Variants in WWOX observed in about 807,000 individuals in gnomAD.
WWOX encodes WW domain-containing oxidoreductase.
Under a neutral mutation model 46.2 loss-of-function variants are expected in WWOX, and 69 were observed. That is an observed-to-expected ratio of 1.49 (90% CI 1.23 to 1.82). The LOEUF (loss-of-function observed/expected upper bound fraction) is 1.82. Ranked by LOEUF, WWOX falls within the 40% of genes most tolerant of loss-of-function variation. The probability of loss-of-function intolerance (pLI) is 0.00; values close to 1 mark genes in which losing one functional copy is unlikely to be tolerated. For synonymous variants in WWOX, 359 were observed against 202.6 expected (o/e 1.77, Z -6.56); for missense variants, 919 against 542.6 (o/e 1.69, Z -6.89).
At chr16:79,058,226 A>G (rs1794598743) in intron 8 of WWOX, among the ~76,000 whole-genome samples, 1 of 151,990 alleles carries the variant, frequency 6.6e-6, no homozygotes, top group African/African-American at 2.4e-5. Flanking sequence ...CCCTCCTTCC[A>G]AGATGTGTGA....
At chr16:78,906,737 A>T (rs1443269594) in intron 8 of WWOX, among the ~76,000 whole-genome samples, 1 of 152,186 alleles carries the variant, frequency 6.6e-6, no homozygotes, top group East Asian at 1.9e-4. Flanking sequence ...TTAAGCTCTG[A>T]AAGTTCCTTT....
intron 8 of WWOX, among the ~76,000 whole-genome samples, chr16:79,054,429 C>G (rs1432686724): frequency 6.6e-6 from 1 of 152,176 alleles, no homozygotes; most frequent in Non-Finnish European, 1.5e-5. Context: ...ATTTCCATTT[C>G]AAGATGACAA....
intron 8 of WWOX, among the ~76,000 whole-genome samples, chr16:79,173,151 G>A (rs960929710): frequency 3.9e-5 from 6 of 152,264 alleles, no homozygotes; most frequent in African/African-American, 1.4e-4. Context: ...GTGTGCCCAT[G>A]TCTCTGGGCC....
chr16:78,905,824 G>C (rs2044948713), intron 8 of WWOX, among the ~76,000 whole-genome samples: 1 of 152,106 alleles, frequency 6.6e-6, no homozygotes, highest in South Asian at 2.1e-4. Context: ...GGGGAATCTG[G>C]ATTTCAAATG....
chr16:79,027,001 C>G (rs1048633786), intron 8 of WWOX, among the ~76,000 whole-genome samples: 2 of 151,256 alleles, frequency 1.3e-5, no homozygotes, highest in Admixed American at 1.3e-4. Flanking sequence ...CAGTGGAGTC[C>G]AGGTACAGTG....
chr16:79,094,075 C>T (rs2045352777), intron 8 of WWOX, among the ~76,000 whole-genome samples: 1 of 152,068 alleles, frequency 6.6e-6, no homozygotes, highest in African/African-American at 2.4e-5. Flanking sequence ...ATAAAGTGCC[C>T]ACCTAGCACT....
chr16:78,637,088 A>C (rs59814533), intron 8 of WWOX, among the ~76,000 whole-genome samples: 13 of 152,282 alleles, frequency 8.5e-5, no homozygotes, highest in African/African-American at 3.1e-4. Context: ...AATAAACTGC[A>C]TGCATGCAAT....
chr16:78,776,262 C>T (rs1218395485), intron 8 of WWOX, among the ~76,000 whole-genome samples: 1 of 152,084 alleles, frequency 6.6e-6, no homozygotes, highest in East Asian at 1.9e-4. Context: ...GCTACATTGG[C>T]TTGGCTCGGT....
chr16:78,164,004 A>G (rs2034883690), intron 4 of WWOX, among the ~76,000 whole-genome samples, 179 bp from the exon 5 acceptor site: 1 of 152,014 alleles, frequency 6.6e-6, no homozygotes, highest in Non-Finnish European at 1.5e-5. Flanking sequence ...GTAGGACTCT[A>G]CCCCACAACT....
rs572521231 is a variant in WWOX at position 79,046,966 on chromosome 16, C to T, written c.1057-164642C>T. 6.6e-5 allele frequency among the ~76,000 whole-genome samples: 10 copies of T among 152,308 alleles called. No homozygotes were observed. The East Asian group carries it at 1.5e-3, about 23-fold the overall frequency. ...CTCCCTTCCATGTAAAAGTAACCCCCAGCCTGAGCTACCTGACCCCGTGGT... is the reference window on the plus strand; with the variant it reads ...CTCCCTTCCATGTAAAAGTAACCCCTAGCCTGAGCTACCTGACCCCGTGGT... On this transcript the variant is annotated intron_variant, in intron 8 of 8. Coordinates refer to ENST00000566780, the MANE Select transcript of WWOX (RefSeq NM_016373.4).
intron 8 of WWOX, among the ~76,000 whole-genome samples, chr16:78,700,426 G>A (rs2048189185): frequency 6.6e-6 from 1 of 151,800 alleles, no homozygotes. Context: ...ACTTCTGAGA[G>A]GCCCTACCTC....
intron 8 of WWOX, among the ~76,000 whole-genome samples, chr16:78,874,692 T>C (rs866981367): frequency 8.6e-5 from 12 of 139,348 alleles, no homozygotes; most frequent in East Asian, 4.0e-4. Context: ...TTCTTTTTTT[T>C]TTTTTTTTTT....
At chr16:78,388,085 C>T (rs559994588) in intron 6 of WWOX, among the ~76,000 whole-genome samples, 31 of 152,150 alleles carry the variant, frequency 2.0e-4, no homozygotes, top group Non-Finnish European at 2.9e-4. Flanking sequence ...CAGGTTGGAA[C>T]GTAGTGCACA....
intron 8 of WWOX, among the ~76,000 whole-genome samples, chr16:78,751,694 G>A (rs961181037): frequency 1.3e-4 from 20 of 151,404 alleles, no homozygotes; most frequent in East Asian, 9.7e-4. Context: ...TAAAAAATAC[G>A]TAGGTTCAGT....
At chr16:78,949,195 A>C (rs2046008461) in intron 8 of WWOX, among the ~76,000 whole-genome samples, 1 of 152,214 alleles carries the variant, frequency 6.6e-6, no homozygotes, top group Admixed American at 6.5e-5. Flanking sequence ...AGAAGAGCCC[A>C]GGCTGGCTGA....
chr16:78,778,410 A>G (rs951400268), intron 8 of WWOX, among the ~76,000 whole-genome samples: 2 of 152,188 alleles, frequency 1.3e-5, no homozygotes, highest in African/African-American at 2.4e-5. Context: ...ATATGCCGGT[A>G]TTGACATAAT....
chr16:78,603,754 A>G (rs1293507466), intron 8 of WWOX, among the ~76,000 whole-genome samples: 1 of 152,156 alleles, frequency 6.6e-6, no homozygotes, highest in Admixed American at 6.5e-5. Context: ...TTGAAAGAGA[A>G]CACTTTGTTT....
intron 8 of WWOX, among the ~76,000 whole-genome samples, chr16:78,578,309 G>T (rs1250643426): frequency 0.039 from 147 of 3,764 alleles, no homozygotes; most frequent in Non-Finnish European, 0.061. Context: ...TTTTTTTTTT[G>T]GTCGGAGTCT....
chr16:78,799,800 G>T (rs2050837652), intron 8 of WWOX, among the ~76,000 whole-genome samples: 1 of 152,168 alleles, frequency 6.6e-6, no homozygotes, highest in Non-Finnish European at 1.5e-5. Context: ...GATATCTTTG[G>T]CTGTGTTGAC....
Sources: allele counts gnomAD v4.1 joint callset (sites outside exome capture counted in the v4.1 genomes callset), GRCh38; gene constraint gnomAD v4.1.1; transcripts MANE v1.5; gene names NCBI Gene and HGNC (gene_info 2026-07-23, HGNC 2026-07-21).